The following EIF4G3 variants were observed in gnomAD, a reference collection of about 807,000 sequenced individuals.
EIF4G3 encodes eIF-4-gamma 3.
A neutral mutation model predicts 186.4 loss-of-function variants in EIF4G3; 34 were observed. The observed-to-expected ratio is 0.18, with a 90% CI of 0.14 to 0.24. The LOEUF (loss-of-function observed/expected upper bound fraction) is 0.24. EIF4G3 is among the 10% of genes least tolerant of loss of function. EIF4G3 has a pLI of 1.00. For missense variants in EIF4G3, 1,536 were observed against 1,948.5 expected (o/e 0.79, Z 3.99); for synonymous variants, 673 against 679.5 (o/e 0.99, Z 0.15).
chr1:20,912,314 T>C (rs2093345796), intron 14 of EIF4G3, among the ~76,000 whole-genome samples: 1 of 152,204 alleles, frequency 6.6e-6, no homozygotes, highest in African/African-American at 2.4e-5. Flanking sequence ...AGCTGTTTTA[T>C]TTTCTACATT....
At chr1:21,068,112 C>CCTAT (rs1213208732) in intron 3 of EIF4G3, among the ~76,000 whole-genome samples, 2 of 151,872 alleles carry the variant, frequency 1.3e-5, no homozygotes, top group Non-Finnish European at 2.9e-5. Context: ...GTGGCTCATG[C>CCTAT]CTATAATCCC....
intron 14 of EIF4G3, among the ~76,000 whole-genome samples, chr1:20,937,610 A>G (rs2095557751): frequency 6.6e-6 from 1 of 152,220 alleles, no homozygotes; most frequent in Non-Finnish European, 1.5e-5. Context: ...AATTTAAATA[A>G]TGGTTTTATA....
At chr1:20,884,803 C>T (rs1025240597) in intron 19 of EIF4G3, among the ~76,000 whole-genome samples, 2 of 152,086 alleles carry the variant, frequency 1.3e-5, no homozygotes, top group Non-Finnish European at 2.9e-5. Flanking sequence ...TCTGTGGGTT[C>T]GCTTATTTAC....
rs1309497084 is a variant in EIF4G3, at chr1:20,862,058, C to A, written c.3111+170G>T. On this transcript the variant is annotated intron_variant, in intron 23 of 36. Transcript: ENST00000602326. ...AAGAAGCACGTAACTGGCAATAGGC[C>A]TTTTGTCCCTTCTCAGAACTCTCCC... is the stretch of plus-strand genomic sequence containing the variant. 2.0e-5 allele frequency among the ~76,000 whole-genome samples: 3 copies of A among 152,290 alleles called. No homozygotes were observed. The East Asian group carries it at 5.8e-4, about 29-fold the overall frequency.
At chr1:21,068,296 G>A (rs1380551284) in intron 3 of EIF4G3, among the ~76,000 whole-genome samples, 1 of 149,056 alleles carries the variant, frequency 6.7e-6, no homozygotes, top group Non-Finnish European at 1.5e-5. Context: ...TTGAACCTAG[G>A]AGGTGGAGGT....
chr1:21,138,099 C>T (rs1007055164), intron 2 of EIF4G3, among the ~76,000 whole-genome samples: 1 of 152,112 alleles, frequency 6.6e-6, no homozygotes, highest in Admixed American at 6.6e-5. Flanking sequence ...AGAAATAGCC[C>T]AGGTAACACA....
intron 7 of EIF4G3, among the ~76,000 whole-genome samples, chr1:20,986,102 C>T (rs1426239668): frequency 6.6e-6 from 1 of 152,172 alleles, no homozygotes; most frequent in Non-Finnish European, 1.5e-5. Flanking sequence ...GTCCCTCCAA[C>T]CAAGATTTTT....
At position 20,984,447 on chromosome 1, in the gene EIF4G3, T is replaced by C. The variant is rs2078985781; in HGVS notation, c.178-2039A>G. Among the ~76,000 whole-genome samples the C allele has an allele frequency of 2.0e-5, 3 of 151,716 alleles. No individual in the cohort carries two copies. The South Asian group carries it at 6.2e-4, about 32-fold the overall frequency. ...CCCCAAAGTGCTGGGATTACAAACA[T>C]GAGCCACTGCGCTTGGCCAATATAC... is the stretch of plus-strand genomic sequence containing the variant. On this transcript the variant is annotated intron_variant, in intron 7 of 36. Coordinates refer to ENST00000602326, the MANE Select transcript of EIF4G3 (RefSeq NM_001391906.1).
At chr1:20,921,500 C>G (rs377539233) in intron 14 of EIF4G3, among the ~76,000 whole-genome samples, 4 of 152,250 alleles carry the variant, frequency 2.6e-5, no homozygotes, top group Middle Eastern at 3.4e-3. Flanking sequence ...GATTCCAAAC[C>G]ATGATTTTAA....
chr1:21,026,458 A>G (rs2092101749), intron 4 of EIF4G3, among the ~76,000 whole-genome samples: 1 of 152,112 alleles, frequency 6.6e-6, no homozygotes, highest in Non-Finnish European at 1.5e-5. Context: ...AATCAGAGAG[A>G]AAACGCTCTG....
chr1:20,903,698 C>A (rs1043764889), intron 15 of EIF4G3, among the ~76,000 whole-genome samples: 4 of 152,074 alleles, frequency 2.6e-5, no homozygotes, highest in African/African-American at 9.7e-5. Context: ...AACACAGCAT[C>A]ATGTAACAGC....
At chr1:21,051,096 A>G in intron 3 of EIF4G3, 102 bp from the exon 4 acceptor site, 1 of 671,326 alleles carries the variant, frequency 1.5e-6, no homozygotes, top group Non-Finnish European at 2.7e-6. Flanking sequence ...CTACCTCACA[A>G]CTTACACTAA....
chr1:20,981,546 G>T (rs1406273326), intron 8 of EIF4G3, among the ~76,000 whole-genome samples: 1 of 127,728 alleles, frequency 7.8e-6, no homozygotes, highest in Admixed American at 7.5e-5. Flanking sequence ...CGCACATACT[G>T]TATGTATACA....
intron 12 of EIF4G3, among the ~76,000 whole-genome samples, chr1:20,959,682 T>C (rs1240893171): frequency 2.1e-5 from 3 of 143,634 alleles, no homozygotes; most frequent in African/African-American, 8.3e-5. Flanking sequence ...ATAATAATAA[T>C]AATAATAATA....
At chr1:20,910,575 T>G (rs2093031409) in intron 14 of EIF4G3, among the ~76,000 whole-genome samples, 2 of 152,056 alleles carry the variant, frequency 1.3e-5, no homozygotes, top group African/African-American at 4.8e-5. Context: ...AGTGTGAGAC[T>G]CCGACTCAAA....
intron 4 of EIF4G3, among the ~76,000 whole-genome samples, chr1:21,024,492 G>A (rs1029715942): frequency 3.7e-4 from 56 of 151,954 alleles, no homozygotes; most frequent in East Asian, 1.7e-3. Flanking sequence ...GATGGTTGCC[G>A]TGTCTGTGTA....
intron 2 of EIF4G3, among the ~76,000 whole-genome samples, chr1:21,166,809 T>C (rs1405811730): frequency 6.6e-6 from 1 of 151,924 alleles, no homozygotes; most frequent in East Asian, 1.9e-4. Context: ...TGAGACAGGG[T>C]CTCACTCTGT....
chr1:21,118,584 G>C (rs1395057356), intron 2 of EIF4G3, among the ~76,000 whole-genome samples: 1 of 152,050 alleles, frequency 6.6e-6, no homozygotes, highest in Non-Finnish European at 1.5e-5. Context: ...TCAGGAGCTT[G>C]AGACCAGCCT....
chr1:21,012,564 G>C (rs72988013), intron 4 of EIF4G3, among the ~76,000 whole-genome samples: 1 of 152,250 alleles, frequency 6.6e-6, no homozygotes, highest in African/African-American at 2.4e-5. Context: ...ACCGACCAAA[G>C]TACCTTTGTA....
Sources: allele counts gnomAD v4.1 joint callset (sites outside exome capture counted in the v4.1 genomes callset), GRCh38; gene constraint gnomAD v4.1.1; transcripts MANE v1.5; gene names NCBI Gene and HGNC (gene_info 2026-07-23, HGNC 2026-07-21).